PCDHGB7: variants seen among roughly 807,000 people sequenced by gnomAD.
The protein encoded by PCDHGB7 is protocadherin gamma subfamily B, 7.
A neutral mutation model predicts 61.4 loss-of-function variants in PCDHGB7; 37 were observed. The observed-to-expected ratio is 0.60, with a 90% CI of 0.46 to 0.79. The LOEUF (loss-of-function observed/expected upper bound fraction) is 0.79. Ranked by LOEUF, PCDHGB7 falls within the 30% of genes least tolerant of loss-of-function variation. The pLI is 0.00. For synonymous variants in PCDHGB7, 464 were observed against 503.5 expected (o/e 0.92, Z 1.05); for missense variants, 1,166 against 1,202.5 (o/e 0.97, Z 0.45).
At chr5:141,423,050 G>T (rs1434973750) in intron 1 of PCDHGB7, 2 of 1,614,068 alleles carry the variant, frequency 1.2e-6, no homozygotes, top group Admixed American at 1.7e-5. Context: ...CTGTCCTATC[G>T]CCTGCTTAAG....
intron 1 of PCDHGB7, among the ~76,000 whole-genome samples, chr5:141,454,658 G>T (rs961640658): frequency 1.3e-5 from 2 of 151,812 alleles, no homozygotes; most frequent in Non-Finnish European, 2.9e-5. Flanking sequence ...TGCCCACCTC[G>T]GCCTCCCAAA....
Position 141,511,349 on chromosome 5 carries a change from C to T in PCDHGB7, c.*176C>T, listed in dbSNP as rs1463242262. The T allele has an allele frequency of 2.1e-6, 3 of 1,401,380 alleles. No homozygotes were observed. The highest frequency in any genetic ancestry group is 2.9e-5 in the African/African-American group (2 of 68,826). 86.8% of individuals were successfully genotyped at this position (1,401,380 alleles called of 1,614,324 possible). The stretch of plus-strand genomic sequence containing the variant: ...GCCCAGTCAGCACCTACCCCTTCCC[C>T]CCCAGGGGGTTGAATATGCAAAAGC... On this transcript the variant is annotated 3_prime_UTR_variant, in exon 4 of 4. Transcript: ENST00000398594.
At chr5:141,508,806 C>T (rs1243735850) in intron 3 of PCDHGB7, among the ~76,000 whole-genome samples, 1 of 152,066 alleles carries the variant, frequency 6.6e-6, no homozygotes, top group African/African-American at 2.4e-5. Flanking sequence ...AATCCTGGCT[C>T]TTTGAAGCCA....
At chr5:141,427,898 C>A (rs2154552434) in intron 1 of PCDHGB7, 1 of 1,570,872 alleles carries the variant, frequency 6.4e-7, no homozygotes, top group Non-Finnish European at 8.7e-7. Context: ...AGGGCTCGCC[C>A]GCGCTCAGCG....
intron 1 of PCDHGB7, chr5:141,484,969 G>A: frequency 3.4e-6 from 2 of 584,588 alleles, no homozygotes; most frequent in Admixed American, 3.2e-5. Flanking sequence ...CCCGGGAGCC[G>A]CTGTCTGCCA....
At chr5:141,463,402 T>C (rs1214124103) in intron 1 of PCDHGB7, among the ~76,000 whole-genome samples, 1 of 149,978 alleles carries the variant, frequency 6.7e-6, no homozygotes, top group African/African-American at 2.5e-5. Context: ...GCAAAAAAAA[T>C]GGAGATCCTA....
chr5:141,442,700 T>TC (rs1388243183), intron 1 of PCDHGB7, among the ~76,000 whole-genome samples: 5 of 152,198 alleles, frequency 3.3e-5, no homozygotes, highest in Non-Finnish European at 7.3e-5. Flanking sequence ...CAGACAAGAG[T>TC]ATCAGACATG....
At chr5:141,440,838 C>A (rs2098204954) in intron 1 of PCDHGB7, 1 of 152,102 alleles carries the variant, frequency 6.6e-6, no homozygotes, top group African/African-American at 2.4e-5. Context: ...TTGGTTGAAG[C>A]CAATGACAAC....
Position 141,510,977 on chromosome 5 carries a change from G to T in PCDHGB7, c.2594G>T (p.Gly865Val). 1.2e-6 allele frequency: 2 copies of T among 1,614,170 alleles called. No individual in the cohort carries two copies. Among genetic ancestry groups the T allele is most frequent in the Non-Finnish European group, 1.7e-6 (2 of 1,180,020 alleles). The change falls in exon 4 of 4, where the codon GGG becomes GTG. Residue 865 changes from glycine to valine, a missense_variant. Physicochemically the swap from Gly to Val is moderately radical, Grantham distance 109. Transcript: ENST00000398594. ...GCTGATGGGAGCTCCACCCTGGGAG[G>T]GGGTGCCGGCACCATGGGATTGAGC... ...EAADGSSTLG[G>V]GAGTMGLSAR...
At chr5:141,443,317 C>CAA (rs35054295) in intron 1 of PCDHGB7, among the ~76,000 whole-genome samples, 2,546 of 141,926 alleles carry the variant, frequency 0.018, 55 homozygotes, top group African/African-American at 0.052. Flanking sequence ...CCCATCTCTA[C>CAA]AAAAAAAAAA....
At position 141,438,623 on chromosome 5, in the gene PCDHGB7, TATATATATATATAC is replaced by T. The variant is rs537048311; in HGVS notation, c.2415+18351_2415+18364del. Among the ~76,000 whole-genome samples the T allele has an allele frequency of 0.015, 646 of 42,812 alleles. 25 individuals are homozygous for T. In the East Asian group the frequency reaches 0.19, roughly 12 times the overall value. The allele number at this position is 42,812 out of a possible 152,430, so 28.1% of individuals were successfully genotyped here. A position where few individuals can be genotyped will look rare whatever the true frequency, so the allele number is the denominator to read the frequency against. On this transcript the variant is annotated intron_variant, in intron 1 of 3. Transcript: ENST00000398594. ...ATATATATATATATATATATATATA[TATATATATATATAC>T]ACACACACACACACATATATGTATA...
At chr5:141,494,099 C>T (rs976610819) in intron 1 of PCDHGB7, among the ~76,000 whole-genome samples, 3 of 152,172 alleles carry the variant, frequency 2.0e-5, no homozygotes, top group South Asian at 2.1e-4. Context: ...CATTTTTCTC[C>T]GTCTCAGACA....
chr5:141,461,506 AT>A (rs1406680307), intron 1 of PCDHGB7, among the ~76,000 whole-genome samples: 2 of 151,524 alleles, frequency 1.3e-5, no homozygotes, highest in Non-Finnish European at 1.5e-5. Context: ...TTTCTTGGTG[AT>A]TTGTTAGTTC....
chr5:141,489,342 A>G lies in PCDHGB7; in HGVS notation c.2416-5465A>G. 3.7e-6 allele frequency: 6 copies of G among 1,609,084 alleles called. No homozygotes were observed. The Middle Eastern group carries it at 6.6e-4, about 178-fold the overall frequency. On this transcript the variant is annotated intron_variant, in intron 1 of 3. Transcript: ENST00000398594. The surrounding 1 kb of genome is among the most constrained non-coding windows in gnomAD (Gnocchi z 4.5). ...GGGTGTCTGGGCAGCTTCGTTACTCAGTGGTGGAGGAGTCTGAGCCGGGGA... is the reference window on the plus strand; with the variant it reads ...GGGTGTCTGGGCAGCTTCGTTACTCGGTGGTGGAGGAGTCTGAGCCGGGGA...
chr5:141,508,928 G>A (rs1475005703), intron 3 of PCDHGB7, among the ~76,000 whole-genome samples: 1 of 152,076 alleles, frequency 6.6e-6, no homozygotes, highest in East Asian at 1.9e-4. Flanking sequence ...TCCTTTTGGA[G>A]TTAATTAGGG....
chr5:141,498,523 G>A (rs555386753), intron 2 of PCDHGB7, among the ~76,000 whole-genome samples: 1 of 151,580 alleles, frequency 6.6e-6, no homozygotes, highest in Admixed American at 6.6e-5. Context: ...CTTGCCCACT[G>A]CCCTCCAGCC....
In PCDHGB7 at chr5:141,486,581, C is replaced by T; in HGVS notation, c.2416-8226C>T. 1 of 1,613,764 alleles carries T rather than the reference C, an allele frequency of 6.2e-7. No individual in the cohort carries two copies. The highest frequency in any genetic ancestry group is 1.1e-5 in the South Asian group (1 of 91,082). On this transcript the variant is annotated intron_variant, in intron 1 of 3. Coordinates refer to ENST00000398594, the MANE Select transcript of PCDHGB7 (RefSeq NM_018927.4). This position sits in a 1 kb window ranked among gnomAD's most constrained non-coding sequence, Gnocchi z 5.0. ...GGTGTTTGTTCCTGAGAACAATCGC[C>T]CAGGGGACCTGCTTTGCTCCCTTGC... is the stretch of plus-strand genomic sequence containing the variant.
At position 141,491,960 on chromosome 5, in the gene PCDHGB7, A is replaced by T. The variant is rs1380758016; in HGVS notation, c.2416-2847A>T. The T allele has an allele frequency of 1.0e-6, 1 of 984,842 alleles. No individual in the cohort carries two copies. The highest frequency in any genetic ancestry group is 3.0e-5 in the East Asian group (1 of 33,312). 61.0% of individuals were successfully genotyped at this position (984,842 alleles called of 1,614,324 possible). A position where few individuals can be genotyped will look rare whatever the true frequency, so the allele number is the denominator to read the frequency against. On this transcript the variant is annotated intron_variant, in intron 1 of 3. Coordinates refer to ENST00000398594, the MANE Select transcript of PCDHGB7 (RefSeq NM_018927.4). The surrounding 1 kb of genome is among the most constrained non-coding windows in gnomAD (Gnocchi z 6.9). ...CGACCCCCACCCCTACACTCAAAAA[A>T]GGCCGGGGCCTCCTTCGAGCTTCCG...
At chr5:141,468,597 T>C in intron 1 of PCDHGB7, 1 of 152,224 alleles carries the variant, frequency 6.6e-6, no homozygotes, top group East Asian at 1.9e-4. Context: ...CTGGGCGCGG[T>C]GGCTCACGCC....
Sources: allele counts gnomAD v4.1 joint callset (sites outside exome capture counted in the v4.1 genomes callset), GRCh38; gene constraint gnomAD v4.1.1; non-coding constraint Gnocchi (gnomAD v3.1); transcripts MANE v1.5; gene names NCBI Gene and HGNC (gene_info 2026-07-23, HGNC 2026-07-21).